SGCZ: variants seen among roughly 807,000 people sequenced by gnomAD.
The protein encoded by SGCZ is zeta-sarcoglycan.
Under a neutral mutation model 41.3 loss-of-function variants are expected in SGCZ, and 40 were observed. The observed-to-expected ratio is 0.97, with a 90% CI of 0.75 to 1.26. SGCZ has a LOEUF of 1.26. Ranked by LOEUF, SGCZ falls within the 50% of genes most tolerant of loss-of-function variation. SGCZ has a pLI of 0.00. For synonymous variants in SGCZ, 206 were observed against 137.5 expected (o/e 1.50, Z -3.49); for missense variants, 552 against 369.8 (o/e 1.49, Z -4.04).
At chr8:14,437,402 C>T (rs1800124154) in intron 2 of SGCZ, among the ~76,000 whole-genome samples, 1 of 150,762 alleles carries the variant, frequency 6.6e-6, no homozygotes. Context: ...TCTTCAAACA[C>T]TTCAAACAAA....
intron 5 of SGCZ, among the ~76,000 whole-genome samples, chr8:14,124,867 T>C (rs1209115253): frequency 6.6e-6 from 1 of 152,150 alleles, no homozygotes; most frequent in African/African-American, 2.4e-5. Context: ...GTATTATATA[T>C]ACATTCATGT....
At chr8:14,386,492 T>A (rs114081064) in intron 2 of SGCZ, among the ~76,000 whole-genome samples, 1,768 of 152,274 alleles carry the variant, frequency 0.012, 38 homozygotes, top group African/African-American at 0.038. Flanking sequence ...CATAAAAATA[T>A]ACTTGCTCCA....
At chr8:14,635,044 T>C (rs73664417) in intron 1 of SGCZ, among the ~76,000 whole-genome samples, 3,969 of 148,698 alleles carry the variant, frequency 0.027, 106 homozygotes, top group African/African-American at 0.072. Flanking sequence ...TTATGTTGAT[T>C]TATATTGAAA....
chr8:14,353,645 AT>A (rs1382556210), intron 2 of SGCZ, among the ~76,000 whole-genome samples: 1 of 151,682 alleles, frequency 6.6e-6, no homozygotes, highest in Non-Finnish European at 1.5e-5. Context: ...CATCTCTATA[AT>A]TTTTTCTGCC....
chr8:14,522,850 A>G (rs1179092361), intron 2 of SGCZ, among the ~76,000 whole-genome samples: 1 of 151,630 alleles, frequency 6.6e-6, no homozygotes, highest in Non-Finnish European at 1.5e-5. Flanking sequence ...TAACCTAGTC[A>G]CTTAGTATTA....
At chr8:14,457,032 C>T (rs1032868621) in intron 2 of SGCZ, among the ~76,000 whole-genome samples, 3 of 152,030 alleles carry the variant, frequency 2.0e-5, no homozygotes, top group Non-Finnish European at 2.9e-5. Context: ...CACCCAGGCA[C>T]CGAGGCAAGA....
chr8:14,228,626 A>G (rs779578970), intron 4 of SGCZ, among the ~76,000 whole-genome samples: 2 of 152,026 alleles, frequency 1.3e-5, no homozygotes, highest in Non-Finnish European at 2.9e-5. Context: ...CTTGTATTAT[A>G]TTTTTTATTA....
chr8:14,092,485 G>A (rs895830796), intron 7 of SGCZ, among the ~76,000 whole-genome samples: 31 of 151,940 alleles, frequency 2.0e-4, no homozygotes, highest in Admixed American at 1.0e-3. Context: ...CTAAGTAGCT[G>A]ATATGGTTTG....
intron 3 of SGCZ, among the ~76,000 whole-genome samples, chr8:14,318,143 G>A (rs1801777355): frequency 6.6e-6 from 1 of 151,496 alleles, no homozygotes; most frequent in African/African-American, 2.4e-5. Context: ...ATGGTATTGG[G>A]GACTATTGGT....
At chr8:15,217,112 C>A (rs1585683909) in intron 1 of SGCZ, among the ~76,000 whole-genome samples, 1 of 151,932 alleles carries the variant, frequency 6.6e-6, no homozygotes, top group Admixed American at 6.5e-5. Context: ...ATTAACCCCA[C>A]AGAGTAGAGT....
chr8:15,005,618 C>T (rs1802587625), intron 1 of SGCZ, among the ~76,000 whole-genome samples: 1 of 148,162 alleles, frequency 6.7e-6, no homozygotes, highest in Non-Finnish European at 1.5e-5. Flanking sequence ...AGGCATGAGC[C>T]ACTGCACCCG....
chr8:14,558,045 T>C (rs1563409679), intron 1 of SGCZ, among the ~76,000 whole-genome samples: 1 of 152,194 alleles, frequency 6.6e-6, no homozygotes, highest in East Asian at 1.9e-4. Context: ...ACATTTTAAG[T>C]GCATAGACTA....
chr8:14,223,081 A>T, intron 4 of SGCZ, among the ~76,000 whole-genome samples: 1 of 152,002 alleles, frequency 6.6e-6, no homozygotes, highest in Non-Finnish European at 1.5e-5. Context: ...AAGTGCTGGG[A>T]TTACATGATT....
At chr8:14,519,332 C>T (rs533835923) in intron 2 of SGCZ, among the ~76,000 whole-genome samples, 1 of 151,916 alleles carries the variant, frequency 6.6e-6, no homozygotes, top group Non-Finnish European at 1.5e-5. Flanking sequence ...TGATAAAATA[C>T]ATGCCATACC....
At chr8:14,376,930 G>T (rs1341680810) in intron 2 of SGCZ, among the ~76,000 whole-genome samples, 1 of 152,130 alleles carries the variant, frequency 6.6e-6, no homozygotes, top group African/African-American at 2.4e-5. Context: ...TACATATTTA[G>T]TCTTTGTTCC....
intron 1 of SGCZ, among the ~76,000 whole-genome samples, chr8:14,938,753 G>T (rs1198455884): frequency 6.6e-6 from 1 of 151,982 alleles, no homozygotes; most frequent in Non-Finnish European, 1.5e-5. Flanking sequence ...TTCAGGAATG[G>T]AAAACCAAAT....
intron 2 of SGCZ, among the ~76,000 whole-genome samples, chr8:14,494,458 T>C (rs895835097): frequency 6.6e-6 from 1 of 152,122 alleles, no homozygotes; most frequent in Non-Finnish European, 1.5e-5. Context: ...AATTTTAAAA[T>C]TAGGTTTTAA....
intron 1 of SGCZ, among the ~76,000 whole-genome samples, chr8:15,172,620 A>T (rs1233267576): frequency 2.0e-5 from 3 of 152,158 alleles, no homozygotes; most frequent in Non-Finnish European, 4.4e-5. Flanking sequence ...TGTATTAACG[A>T]AATACCAAAG....
chr8:15,233,345 A>G (rs1161444115), intron 1 of SGCZ, among the ~76,000 whole-genome samples: 1 of 150,874 alleles, frequency 6.6e-6, no homozygotes, highest in Non-Finnish European at 1.5e-5. Flanking sequence ...AAAAAAAAAA[A>G]GAAAGAAAGA....
Sources: gnomAD v4.1 joint callset for allele counts (sites outside exome capture counted in the v4.1 genomes callset) on GRCh38, gnomAD v4.1.1 for gene constraint, MANE v1.5 for transcripts, NCBI Gene and HGNC (gene_info 2026-07-23, HGNC 2026-07-21) for gene names.